Variants in SLC5A4 observed in about 807,000 individuals in gnomAD.
The protein encoded by SLC5A4 is solute carrier family 5 member 4.
SLC5A4 carries 55 observed loss-of-function variants against 70.3 expected under a neutral mutation model. The observed-to-expected ratio is 0.78, with a 90% confidence interval of 0.63 to 0.98. The LOEUF (loss-of-function observed/expected upper bound fraction) is 0.98, where lower values mean the gene tolerates loss of function less well. Among genes scored for constraint, SLC5A4 ranks in the 50% least tolerant of loss-of-function variants. The pLI is 0.00. For synonymous variants in SLC5A4, 268 were observed against 305.7 expected, an observed-to-expected ratio of 0.88 and a Z score of 1.29; for missense variants, 735 against 839.2, an observed-to-expected ratio of 0.88 and a Z score of 1.53.
chr22:32,325,351 G>A, the SLC5A4 span, among the ~76,000 whole-genome samples: 272 of 152,324 alleles, frequency 1.8e-3, 1 homozygote, highest in African/African-American at 6.2e-3. Flanking sequence ...AGCAGTCTTG[G>A]GGCCCTGGCC....
At chr22:32,339,575 G>C in the SLC5A4 span, among the ~76,000 whole-genome samples, 2 of 152,004 alleles carry the variant, frequency 1.3e-5, no homozygotes, top group South Asian at 2.1e-4. Context: ...CTGTTCCGCC[G>C]GGCCCTCCTC....
the SLC5A4 span, among the ~76,000 whole-genome samples, chr22:32,294,314 A>C: frequency 3.9e-5 from 6 of 152,146 alleles, no homozygotes; most frequent in South Asian, 6.2e-4. Context: ...TTATCTCTCC[A>C]GTTGTATCTA....
At chr22:32,276,169 T>A in the SLC5A4 span, among the ~76,000 whole-genome samples, 4 of 152,362 alleles carry the variant, frequency 2.6e-5, no homozygotes, top group South Asian at 8.3e-4. Context: ...CCATACATTA[T>A]GACACTTTCT....
At chr22:32,305,840 A>AC in the SLC5A4 span, among the ~76,000 whole-genome samples, 12 of 126,858 alleles carry the variant, frequency 9.5e-5, no homozygotes, top group African/African-American at 2.4e-4. Flanking sequence ...CTGTCCCCCC[A>AC]CCCCCCACGT....
the SLC5A4 span, among the ~76,000 whole-genome samples, chr22:32,336,246 A>G: frequency 6.6e-6 from 1 of 152,076 alleles, no homozygotes; most frequent in Non-Finnish European, 1.5e-5. Flanking sequence ...TGCAGCTCAG[A>G]GGGTGATTAA....
chr22:32,285,102 TTA>T, the SLC5A4 span: 9 of 152,318 alleles, frequency 5.9e-5, no homozygotes, highest in East Asian at 1.9e-4. Context: ...CACAAATCTT[TTA>T]GTGTTAATAA....
At chr22:32,350,730 A>T in the SLC5A4 span, among the ~76,000 whole-genome samples, 1 of 152,224 alleles carries the variant, frequency 6.6e-6, no homozygotes, top group South Asian at 2.1e-4. Context: ...ATATAGTGGT[A>T]CTTAGGCATA....
chr22:32,247,181 CCA>C (rs1454609054), intron 5 of SLC5A4, among the ~76,000 whole-genome samples: 1 of 152,032 alleles, frequency 6.6e-6, no homozygotes, highest in Non-Finnish European at 1.5e-5. Flanking sequence ...AGATTTATAC[CCA>C]GAGCCTCTCA....
At chr22:32,282,148 C>G in the SLC5A4 span, among the ~76,000 whole-genome samples, 1 of 152,148 alleles carries the variant, frequency 6.6e-6, no homozygotes, top group Non-Finnish European at 1.5e-5. Flanking sequence ...CGGCCACTTC[C>G]GTGTTTCTTT....
chr22:32,291,560 C>A, the SLC5A4 span, among the ~76,000 whole-genome samples: 1 of 152,148 alleles, frequency 6.6e-6, no homozygotes, highest in African/African-American at 2.4e-5. Context: ...GGAAAATTGA[C>A]ACATTTACTG....
chr22:32,256,301 C>T (rs1390957934), upstream of SLC5A4, among the ~76,000 whole-genome samples: 2 of 151,996 alleles, frequency 1.3e-5, no homozygotes, highest in Non-Finnish European at 2.9e-5. Flanking sequence ...GAGCAAGATC[C>T]TGTCTCAAAA....
At chr22:32,273,976 G>A in the SLC5A4 span, among the ~76,000 whole-genome samples, 8 of 151,868 alleles carry the variant, frequency 5.3e-5, no homozygotes, top group South Asian at 1.7e-3. Context: ...AATATCATGA[G>A]TAAAACAAGT....
At position 32,225,818 on chromosome 22, in the gene SLC5A4, A is replaced by G; in HGVS notation, c.1286T>C (p.Phe429Ser). The G allele has an allele frequency of 1.3e-6, 2 of 1,597,354 alleles. No individual in the cohort carries two copies. The highest frequency in any genetic ancestry group is 1.7e-6 in the Non-Finnish European group (2 of 1,172,246). The change falls in exon 12 of 15, where the codon TTT becomes TCT. Residue 429 changes from phenylalanine to serine, a missense_variant. Transcript: ENST00000266086. ...EKELLIAGRI[F>S]VLLLTVVSIV... ...GCTCACAACAGTTAATAGAAGAACA[A>G]ATATCCTGAGAAGAAAACAACATAA...
At chr22:32,291,556 T>C in the SLC5A4 span, among the ~76,000 whole-genome samples, 96,131 of 151,978 alleles carry the variant, frequency 0.63, 30,508 homozygotes, top group East Asian at 0.72. Context: ...TTGGGGAAAA[T>C]TGACACATTT....
intron 6 of SLC5A4, among the ~76,000 whole-genome samples, chr22:32,238,161 A>C (rs193130015): frequency 8.0e-4 from 122 of 152,302 alleles, no homozygotes; most frequent in Middle Eastern, 3.4e-3. Context: ...TGCAACAAGC[A>C]GGTGAAGCAA....
intron 13 of SLC5A4, among the ~76,000 whole-genome samples, chr22:32,221,344 C>T (rs895926649): frequency 2.6e-5 from 4 of 152,264 alleles, no homozygotes; most frequent in African/African-American, 9.6e-5. Flanking sequence ...CACTCATTGT[C>T]CTTAACATCC....
the SLC5A4 span, chr22:32,270,168 T>C: frequency 1.5e-6 from 1 of 646,412 alleles, no homozygotes; most frequent in East Asian, 3.2e-5. Flanking sequence ...CGACGCCCAG[T>C]CGGGCACACA....
chr22:32,317,715 C>T, the SLC5A4 span, among the ~76,000 whole-genome samples: 1 of 152,214 alleles, frequency 6.6e-6, no homozygotes, highest in Admixed American at 6.5e-5. Flanking sequence ...ATCCCCCTGC[C>T]TTGGCCTCCC....
At chr22:32,334,131 ACCATGCCAGACAACACACACACC>A in the SLC5A4 span, among the ~76,000 whole-genome samples, 1 of 132,530 alleles carries the variant, frequency 7.5e-6, no homozygotes, top group African/African-American at 3.3e-5. Context: ...ACATATACAC[ACCATGCCAGACAACACACACACC>A]CCATGCCACA....
Sources: gnomAD v4.1 joint callset for allele counts (sites outside exome capture counted in the v4.1 genomes callset) on GRCh38, gnomAD v4.1.1 for gene constraint, MANE v1.5 for transcripts, NCBI Gene and HGNC (gene_info 2026-07-23, HGNC 2026-07-21) for gene names.